The following KIF26B variants were observed in gnomAD, a reference collection of about 807,000 sequenced individuals.
The protein encoded by KIF26B is kinesin family member 26B.
A neutral mutation model predicts 151.2 loss-of-function variants in KIF26B; 63 were observed. The ratio of observed to expected loss-of-function variants is 0.42; its 90% CI spans 0.34 to 0.51. The LOEUF (loss-of-function observed/expected upper bound fraction) is 0.51, where lower values mean the gene tolerates loss of function less well. KIF26B is among the 20% of genes least tolerant of loss of function. KIF26B has a pLI of 0.07. For synonymous variants in KIF26B, 1,357 were observed against 1,262.1 expected (o/e 1.08, Z -1.59); for missense variants, 2,813 against 2,913.6 (o/e 0.97, Z 0.79).
Position 245,303,282 on chromosome 1 carries a change from T to C in KIF26B, c.466-63552T>C, listed in dbSNP as rs186690063. 7.6e-3 allele frequency among the ~76,000 whole-genome samples: 1,067 copies of C among 140,950 alleles called. 20 individuals are homozygous for C. The highest frequency in any genetic ancestry group is 0.043 in the East Asian group (191 of 4,416). 92.5% of individuals were successfully genotyped at this position (140,950 alleles called of 152,430 possible). Reference sequence around the variant, plus strand: ...GGCGCGATCTCGGCTCACTGCAAGCTCCGCCTCCCGGGTTCACGCCATTCT... The same window carrying C: ...GGCGCGATCTCGGCTCACTGCAAGCCCCGCCTCCCGGGTTCACGCCATTCT... On this transcript the variant is annotated intron_variant, in intron 2 of 14. Coordinates refer to ENST00000407071, the MANE Select transcript of KIF26B (RefSeq NM_018012.4).
chr1:245,687,188 G>A lies in KIF26B; in HGVS notation c.4205G>A (p.Arg1402Gln), dbSNP rs200347978. ...TACCCCTGCATTGCCATGAGCCCCC[G>A]GAACATCCAAGAGCCGGAGGCCCCC... ...TVYPCIAMSP[R>Q]NIQEPEAPTA... is the part of the protein sequence containing the mutation. The change falls in exon 12 of 15, where the codon CGG (arginine) becomes CAG (glutamine). Residue 1402 changes from arginine (R) to glutamine (Q), a missense_variant. By Grantham distance (43) the Arg-to-Gln change is conservative. Coordinates refer to ENST00000407071, the MANE Select transcript of KIF26B (RefSeq NM_018012.4). The surrounding 1 kb of genome is among the most constrained non-coding windows in gnomAD (Gnocchi z 4.9). The A allele has an allele frequency of 9.3e-6, 15 of 1,612,604 alleles. No homozygotes were observed. The East Asian group carries it at 1.3e-4, about 14-fold the overall frequency.
intron 2 of KIF26B, among the ~76,000 whole-genome samples, chr1:245,295,675 C>T (rs1003032983): frequency 2.0e-5 from 3 of 152,100 alleles, no homozygotes; most frequent in African/African-American, 4.8e-5. Flanking sequence ...TTAGAGATGA[C>T]GATTCTGTTT....
At chr1:245,187,577 A>G (rs1337680417) in intron 2 of KIF26B, among the ~76,000 whole-genome samples, 1 of 152,188 alleles carries the variant, frequency 6.6e-6, no homozygotes, top group Non-Finnish European at 1.5e-5. Flanking sequence ...CTTTCTTTTA[A>G]CCAGCTTGAG....
intron 2 of KIF26B, among the ~76,000 whole-genome samples, chr1:245,157,354 T>C (rs1027119815): frequency 6.6e-6 from 1 of 152,236 alleles, no homozygotes; most frequent in Admixed American, 6.5e-5. Flanking sequence ...ATTTGCACTG[T>C]TGGGTCCAAG....
At chr1:245,522,918 A>T (rs1661160315) in intron 4 of KIF26B, among the ~76,000 whole-genome samples, 1 of 152,230 alleles carries the variant, frequency 6.6e-6, no homozygotes, top group Non-Finnish European at 1.5e-5. Context: ...AAACGGAGAC[A>T]CTTAGGATAT....
chr1:245,249,272 A>T (rs925436763), intron 2 of KIF26B, among the ~76,000 whole-genome samples: 1 of 150,840 alleles, frequency 6.6e-6, no homozygotes, highest in South Asian at 2.1e-4. Context: ...AATTTTTTGT[A>T]TATTTTTTAG....
intron 4 of KIF26B, among the ~76,000 whole-genome samples, chr1:245,443,689 AC>A (rs1659175332): frequency 1.2e-5 from 1 of 81,014 alleles, no homozygotes; most frequent in Non-Finnish European, 2.6e-5. Context: ...CTCACTGTTC[AC>A]CCTGCGGTCA....
At chr1:245,529,666 A>G (rs1661317295) in intron 4 of KIF26B, among the ~76,000 whole-genome samples, 1 of 152,218 alleles carries the variant, frequency 6.6e-6, no homozygotes, top group South Asian at 2.1e-4. Flanking sequence ...GGCTTTAAAC[A>G]AAGGAGAAGG....
chr1:245,556,753 G>A (rs1662048838), intron 5 of KIF26B, among the ~76,000 whole-genome samples: 1 of 152,100 alleles, frequency 6.6e-6, no homozygotes, highest in Non-Finnish European at 1.5e-5. Flanking sequence ...CATCAAGAAT[G>A]GTCTCAAACT....
At chr1:245,430,311 C>G (rs989314060) in intron 4 of KIF26B, among the ~76,000 whole-genome samples, 1 of 151,798 alleles carries the variant, frequency 6.6e-6, no homozygotes, top group African/African-American at 2.4e-5. Context: ...CTACCACCAC[C>G]CTAATACAGT....
intron 6 of KIF26B, among the ~76,000 whole-genome samples, chr1:245,604,374 G>T (rs186771756): frequency 3.9e-4 from 60 of 152,314 alleles, no homozygotes; most frequent in Non-Finnish European, 2.8e-4. Context: ...CACAGCACAT[G>T]TTACAGGCTC....
rs1242833077 is a variant in KIF26B at position 245,667,224 on chromosome 1, G to A, written c.2259-17009G>A. Among the ~76,000 whole-genome samples, 1 of 152,184 alleles carries A rather than the reference G, an allele frequency of 6.6e-6. No individual in the cohort carries two copies. Among genetic ancestry groups the A allele is most frequent in the Non-Finnish European group, 1.5e-5 (1 of 68,034 alleles). ...TTTTTTGAAACACTCTGCCCAGGCT[G>A]GAGTGCAGTGGCACGATCTCGGCTC... On this transcript the variant is annotated intron_variant, in intron 10 of 14. Coordinates refer to ENST00000407071, the MANE Select transcript of KIF26B (RefSeq NM_018012.4). This position sits in a 1 kb window ranked among gnomAD's most constrained non-coding sequence, Gnocchi z 4.3.
chr1:245,169,994 CT>C (rs1668683082), intron 2 of KIF26B, among the ~76,000 whole-genome samples: 3 of 152,164 alleles, frequency 2.0e-5, no homozygotes, highest in African/African-American at 7.2e-5. Context: ...GTCTTGTTCA[CT>C]TTGTTTTTTG....
chr1:245,532,351 T>C (rs1243484859), intron 4 of KIF26B, among the ~76,000 whole-genome samples: 4 of 149,544 alleles, frequency 2.7e-5, no homozygotes, highest in South Asian at 2.2e-4. Context: ...GTTCACGCCA[T>C]TCTCCTGCCT....
At chr1:245,311,302 G>A (rs1671661333) in intron 2 of KIF26B, among the ~76,000 whole-genome samples, 1 of 152,164 alleles carries the variant, frequency 6.6e-6, no homozygotes, top group Non-Finnish European at 1.5e-5. Flanking sequence ...GGTCTGCAGG[G>A]TCGTTGTCAC....
intron 4 of KIF26B, among the ~76,000 whole-genome samples, chr1:245,490,306 ATTTTTTTTTTTT>A: frequency 1.2e-5 from 1 of 83,862 alleles, no homozygotes; most frequent in East Asian, 3.5e-4. Flanking sequence ...TCTGTAGAAC[ATTTTTTTTTTTT>A]TTTTTTTTTT....
intron 5 of KIF26B, among the ~76,000 whole-genome samples, chr1:245,542,180 C>T (rs1192846470): frequency 2.0e-5 from 3 of 152,178 alleles, no homozygotes; most frequent in Non-Finnish European, 2.9e-5. Context: ...TAGCAAGACC[C>T]TGTCTCTACA....
intron 10 of KIF26B, among the ~76,000 whole-genome samples, chr1:245,651,070 C>G (rs1467582323): frequency 1.3e-5 from 2 of 152,196 alleles, no homozygotes; most frequent in East Asian, 3.9e-4. Context: ...CGAGCAAACA[C>G]CGCAGGCAAC....
chr1:245,684,388 A>C lies in KIF26B; in HGVS notation c.2414A>C (p.Lys805Thr), dbSNP rs767453866. ...ASRVLRMKKK[K>T]TKYTSSSSGG... Reference sequence around the variant, plus strand: ...AGAGTCTTGAGGATGAAGAAAAAGAAGACGAAGGTAAGGAGCTCGCGGGGT... The same window carrying C: ...AGAGTCTTGAGGATGAAGAAAAAGACGACGAAGGTAAGGAGCTCGCGGGGT... The change falls in exon 11 of 15, where the codon AAG becomes ACG. Residue 805 changes from lysine (K) to threonine (T), a missense_variant. Coordinates refer to ENST00000407071, the MANE Select transcript of KIF26B (RefSeq NM_018012.4). 1.2e-6 allele frequency: 2 copies of C among 1,602,360 alleles called. No individual in the cohort carries two copies. The highest frequency in any genetic ancestry group is 1.7e-6 in the Non-Finnish European group (2 of 1,173,102).
Sources: gnomAD v4.1 joint callset for allele counts (sites outside exome capture counted in the v4.1 genomes callset) on GRCh38, gnomAD v4.1.1 for gene constraint, Gnocchi (gnomAD v3.1) non-coding constraint, MANE v1.5 for transcripts, NCBI Gene and HGNC (gene_info 2026-07-23, HGNC 2026-07-21) for gene names.